The following EXOC6B variants were observed in gnomAD, a reference collection of about 807,000 sequenced individuals.
The protein encoded by EXOC6B is exocyst complex component 6B.
In EXOC6B, 54 loss-of-function variants were observed where a neutral mutation model predicts 113.5. The observed-to-expected ratio is 0.48, with a 90% confidence interval of 0.38 to 0.60. The LOEUF (loss-of-function observed/expected upper bound fraction) is 0.60. Among genes scored for constraint, EXOC6B ranks in the 20% least tolerant of loss-of-function variants. The probability of loss-of-function intolerance (pLI) is 0.00; values close to 1 mark genes in which losing one functional copy is unlikely to be tolerated. For synonymous variants in EXOC6B, 357 were observed against 339.0 expected (o/e 1.05, Z -0.58); for missense variants, 797 against 977.5 (o/e 0.82, Z 2.46).
In EXOC6B at chr2:72,825,933, C is replaced by T. The variant is rs989875823; in HGVS notation, c.-23G>A. 1.2e-6 allele frequency: 2 copies of T among 1,609,224 alleles called. No homozygotes were observed. Among genetic ancestry groups the T allele is most frequent in the Admixed American group, 3.3e-5 (2 of 59,968 alleles). On this transcript the variant is annotated 5_prime_UTR_variant, in exon 1 of 22. Transcript: ENST00000272427. The surrounding 1 kb of genome is among the most constrained non-coding windows in gnomAD (Gnocchi z 4.4). ...CATAGACTGGGGGCGCCCCGCAGCG[C>T]GTCCCCTCCGTCGGCTCGGCTCACC...
At chr2:72,744,752 C>A (rs1038452567) in intron 1 of EXOC6B, among the ~76,000 whole-genome samples, 1 of 152,092 alleles carries the variant, frequency 6.6e-6, no homozygotes, top group African/African-American at 2.4e-5. Context: ...TTCTTCCCTC[C>A]AGAGATCTAC....
intron 6 of EXOC6B, among the ~76,000 whole-genome samples, chr2:72,601,373 C>T (rs1455351442): frequency 1.3e-5 from 2 of 151,972 alleles, no homozygotes; most frequent in Non-Finnish European, 2.9e-5. Context: ...TTAGTAGAGA[C>T]GGGGTTTCAC....
chr2:72,824,227 A>C (rs1014868838), intron 1 of EXOC6B, among the ~76,000 whole-genome samples: 1 of 151,944 alleles, frequency 6.6e-6, no homozygotes, highest in Non-Finnish European at 1.5e-5. Context: ...CTCTACAAAA[A>C]GTTTAAAACT....
chr2:72,638,679 C>T (rs960275594), intron 6 of EXOC6B, among the ~76,000 whole-genome samples: 2 of 152,168 alleles, frequency 1.3e-5, no homozygotes, highest in African/African-American at 4.8e-5. Flanking sequence ...TCAACCACCA[C>T]AGACACTCGA....
intron 20 of EXOC6B, among the ~76,000 whole-genome samples, chr2:72,237,107 G>C (rs1388149328): frequency 6.6e-6 from 1 of 152,196 alleles, no homozygotes; most frequent in Non-Finnish European, 1.5e-5. Flanking sequence ...GTGCCAGGTA[G>C]AGGCCCTTAG....
intron 20 of EXOC6B, among the ~76,000 whole-genome samples, chr2:72,197,654 A>G (rs1427365496): frequency 6.6e-6 from 1 of 152,100 alleles, no homozygotes; most frequent in Non-Finnish European, 1.5e-5. Flanking sequence ...CAACAACAGG[A>G]TGACAGAGGA....
intron 20 of EXOC6B, among the ~76,000 whole-genome samples, chr2:72,301,658 T>C (rs1686541468): frequency 6.6e-6 from 1 of 152,196 alleles, no homozygotes; most frequent in Non-Finnish European, 1.5e-5. Context: ...TAGTCTCTGA[T>C]GGTTATTTGT....
intron 18 of EXOC6B, among the ~76,000 whole-genome samples, chr2:72,382,067 T>G (rs924804854): frequency 6.6e-6 from 1 of 152,152 alleles, no homozygotes; most frequent in Non-Finnish European, 1.5e-5. Flanking sequence ...GGAGGTAATT[T>G]AGAGATCAAG....
Position 72,179,479 on chromosome 2 carries a change from G to C in EXOC6B, c.2310-18C>G, listed in dbSNP as rs753023104. On this transcript the variant is annotated intron_variant, in intron 21 of 21. Transcript: ENST00000272427. ...CCTTCATCCTAAACAGAGAAGGAAA[G>C]AAAGAGGGCAACATGTTTGAGGAAA... 6.2e-7 allele frequency: 1 copy of C among 1,613,710 alleles called. No individual in the cohort carries two copies. The highest frequency in any genetic ancestry group is 8.5e-7 in the Non-Finnish European group (1 of 1,179,846).
intron 19 of EXOC6B, among the ~76,000 whole-genome samples, chr2:72,359,971 A>G (rs921952931): frequency 2.0e-5 from 3 of 152,072 alleles, no homozygotes; most frequent in Non-Finnish European, 2.9e-5. Flanking sequence ...TCTATCTACC[A>G]TGAGTAGAAG....
intron 6 of EXOC6B, among the ~76,000 whole-genome samples, chr2:72,708,835 T>G (rs1679061394): frequency 6.7e-6 from 1 of 149,310 alleles, no homozygotes; most frequent in South Asian, 2.1e-4. Context: ...GCTCAACCCA[T>G]CCTCCTTCCT....
At chr2:72,516,791 A>T (rs1701233310) in intron 8 of EXOC6B, among the ~76,000 whole-genome samples, 1 of 152,180 alleles carries the variant, frequency 6.6e-6, no homozygotes, top group Non-Finnish European at 1.5e-5. Context: ...AGATGCCAAC[A>T]TCATATGGTT....
chr2:72,610,256 A>C (rs529101688), intron 6 of EXOC6B, among the ~76,000 whole-genome samples: 1 of 152,252 alleles, frequency 6.6e-6, no homozygotes, highest in Non-Finnish European at 1.5e-5. Flanking sequence ...GTGTGTATAC[A>C]TAGGTTGGCA....
At chr2:72,463,698 A>G (rs1697855798) in intron 18 of EXOC6B, 1 of 152,234 alleles carries the variant, frequency 6.6e-6, no homozygotes, top group Admixed American at 6.5e-5. Flanking sequence ...TTTGAAAAGC[A>G]AGGAGATTTC....
At chr2:72,637,625 C>CA (rs1573531167) in intron 6 of EXOC6B, among the ~76,000 whole-genome samples, 1 of 151,876 alleles carries the variant, frequency 6.6e-6, no homozygotes, top group African/African-American at 2.4e-5. Flanking sequence ...CCTGTATCTA[C>CA]AAAAAATTAC....
intron 6 of EXOC6B, among the ~76,000 whole-genome samples, chr2:72,607,780 TA>T (rs1670843064): frequency 6.6e-6 from 1 of 152,148 alleles, no homozygotes; most frequent in Non-Finnish European, 1.5e-5. Context: ...TTGGGTCAGT[TA>T]AACAGATATG....
intron 18 of EXOC6B, among the ~76,000 whole-genome samples, chr2:72,410,594 T>C (rs1573060035): frequency 6.6e-6 from 1 of 152,192 alleles, no homozygotes; most frequent in Non-Finnish European, 1.5e-5. Flanking sequence ...ATGAATATGG[T>C]AGAAATACTG....
At chr2:72,543,224 T>C (rs552973450) in intron 8 of EXOC6B, among the ~76,000 whole-genome samples, 2 of 152,224 alleles carry the variant, frequency 1.3e-5, no homozygotes, top group African/African-American at 4.8e-5. Flanking sequence ...GGACAGAATA[T>C]GGAACACTGT....
At chr2:72,403,436 C>T (rs1693483550) in intron 18 of EXOC6B, among the ~76,000 whole-genome samples, 2 of 152,218 alleles carry the variant, frequency 1.3e-5, no homozygotes, top group East Asian at 1.9e-4. Flanking sequence ...CCTATAATCA[C>T]AGTGCTTTGG....
Sources: gnomAD v4.1 joint callset for allele counts (sites outside exome capture counted in the v4.1 genomes callset) on GRCh38, gnomAD v4.1.1 for gene constraint, Gnocchi (gnomAD v3.1) non-coding constraint, MANE v1.5 for transcripts, NCBI Gene and HGNC (gene_info 2026-07-23, HGNC 2026-07-21) for gene names.